The following CNTN5 variants were observed in gnomAD, a reference collection of about 807,000 sequenced individuals.
The protein encoded by CNTN5 is contactin 5, also known as contactin-5.
Under a neutral mutation model 129.1 loss-of-function variants are expected in CNTN5, and 77 were observed. That is an observed-to-expected ratio of 0.60 (90% CI 0.50 to 0.72). The LOEUF (loss-of-function observed/expected upper bound fraction) is 0.72. Ranked by LOEUF, CNTN5 falls within the 30% of genes least tolerant of loss-of-function variation. The pLI, the probability that CNTN5 is intolerant of heterozygous loss-of-function variation, is 0.00. For synonymous variants in CNTN5, 509 were observed against 465.6 expected (o/e 1.09, Z -1.20); for missense variants, 1,478 against 1,328.8 (o/e 1.11, Z -1.75).
intron 2 of CNTN5, among the ~76,000 whole-genome samples, chr11:99,400,400 T>A (rs1941741259): frequency 6.6e-6 from 1 of 152,054 alleles, no homozygotes; most frequent in Non-Finnish European, 1.5e-5. Flanking sequence ...ATGGTGAGAA[T>A]TTCATTCTTT....
intron 4 of CNTN5, among the ~76,000 whole-genome samples, chr11:99,840,691 C>T (rs1389032870): frequency 6.6e-6 from 1 of 152,074 alleles, no homozygotes; most frequent in Non-Finnish European, 1.5e-5. Context: ...TGTGTGATGA[C>T]ATCTGCCCAT....
At position 99,507,907 on chromosome 11, in the gene CNTN5, A is replaced by G. The variant is rs191001493; in HGVS notation, c.-70-48238A>G. On this transcript the variant is annotated intron_variant, in intron 2 of 24. Transcript: ENST00000524871. ...AACTATTACATGAGTGAGTGAGTTA[A>G]GTGCTTGAATGGCTTTATAAAACTT... Among the ~76,000 whole-genome samples, 518 of 152,332 alleles carry G rather than the reference A, an allele frequency of 3.4e-3. 4 individuals are homozygous for G. Among genetic ancestry groups the G allele is most frequent in the African/African-American group, 0.012 (492 of 41,576 alleles).
At chr11:100,103,212 G>T (rs564578720) in intron 13 of CNTN5, among the ~76,000 whole-genome samples, 1 of 152,156 alleles carries the variant, frequency 6.6e-6, no homozygotes, top group Non-Finnish European at 1.5e-5. Context: ...ATTAGCACGG[G>T]CACATTCTGA....
chr11:99,502,378 C>A (rs1946456744), intron 2 of CNTN5, among the ~76,000 whole-genome samples: 1 of 152,068 alleles, frequency 6.6e-6, no homozygotes, highest in African/African-American at 2.4e-5. Flanking sequence ...CCACAAGTGT[C>A]AAGGGAGGGA....
intron 3 of CNTN5, among the ~76,000 whole-genome samples, chr11:99,612,369 T>C (rs1481547018): frequency 6.6e-6 from 1 of 152,168 alleles, no homozygotes; most frequent in Non-Finnish European, 1.5e-5. Flanking sequence ...TAAGGATTAT[T>C]CTCTTAATCC....
chr11:99,026,121 T>G, intron 1 of CNTN5, among the ~76,000 whole-genome samples: 1 of 151,642 alleles, frequency 6.6e-6, no homozygotes, highest in East Asian at 1.9e-4. Context: ...TTTATTGTTT[T>G]CTAAAAATAC....
At chr11:99,511,569 C>G (rs2135412278) in intron 2 of CNTN5, among the ~76,000 whole-genome samples, 1 of 152,076 alleles carries the variant, frequency 6.6e-6, no homozygotes, top group South Asian at 2.1e-4. Context: ...CTGCTTGGTG[C>G]AGAGCTGAAT....
intron 13 of CNTN5, among the ~76,000 whole-genome samples, chr11:100,161,581 C>A (rs1215917198): frequency 6.6e-6 from 1 of 151,312 alleles, no homozygotes; most frequent in East Asian, 1.9e-4. Flanking sequence ...ACTAAACTGA[C>A]TTCACATAGA....
At chr11:100,163,974 C>G in intron 13 of CNTN5, among the ~76,000 whole-genome samples, 1 of 151,800 alleles carries the variant, frequency 6.6e-6, no homozygotes, top group East Asian at 1.9e-4. Context: ...AGTTGCATAA[C>G]TCACCCAAGG....
intron 1 of CNTN5, among the ~76,000 whole-genome samples, chr11:99,229,402 C>A (rs1452551282): frequency 1.3e-5 from 2 of 151,640 alleles, no homozygotes; most frequent in African/African-American, 4.8e-5. Flanking sequence ...CTGTAAAATG[C>A]TGAATAGCTT....
At position 99,667,508 on chromosome 11, in the gene CNTN5, C is replaced by G. The variant is rs139834887; in HGVS notation, c.55+111239C>G. 7.1e-4 allele frequency among the ~76,000 whole-genome samples: 108 copies of G among 152,126 alleles called. 1 individual carries two copies. Among genetic ancestry groups the G allele is most frequent in the African/African-American group, 2.6e-3 (107 of 41,508 alleles). The stretch of plus-strand genomic sequence containing the variant: ...TAAAATTTTGGCTCTGTTTATTGTA[C>G]CCCTGGTAAAGAAGCATGGTGTTTG... On this transcript the variant is annotated intron_variant, in intron 3 of 24. Coordinates refer to ENST00000524871, the MANE Select transcript of CNTN5 (RefSeq NM_014361.4).
At chr11:99,044,967 C>T (rs988490872) in intron 1 of CNTN5, among the ~76,000 whole-genome samples, 3 of 152,110 alleles carry the variant, frequency 2.0e-5, no homozygotes, top group Non-Finnish European at 4.4e-5. Context: ...GTACCTCAGT[C>T]TCCTCATGTA....
chr11:100,180,802 A>T (rs1948115006), intron 13 of CNTN5, among the ~76,000 whole-genome samples: 1 of 152,012 alleles, frequency 6.6e-6, no homozygotes, highest in African/African-American at 2.4e-5. Flanking sequence ...TAATCCAATT[A>T]GAAAATGAGC....
At chr11:100,032,961 T>C (rs776355472) in intron 9 of CNTN5, among the ~76,000 whole-genome samples, 2 of 152,196 alleles carry the variant, frequency 1.3e-5, no homozygotes, top group Non-Finnish European at 2.9e-5. Flanking sequence ...ATAAAATGTC[T>C]ATTAATTTGC....
At chr11:100,336,953 T>C (rs1269585677) in intron 21 of CNTN5, 1 of 704,416 alleles carries the variant, frequency 1.4e-6, no homozygotes, top group African/African-American at 1.7e-5. Context: ...GGGCACCTTC[T>C]TAGGCAGAAA....
intron 1 of CNTN5, among the ~76,000 whole-genome samples, chr11:99,222,173 G>A (rs1185460478): frequency 6.6e-6 from 1 of 151,832 alleles, no homozygotes; most frequent in East Asian, 1.9e-4. Context: ...TTATAAATGT[G>A]TAATGAATGT....
chr11:99,957,952 CTG>C (rs1950845779), intron 8 of CNTN5, among the ~76,000 whole-genome samples: 2 of 151,406 alleles, frequency 1.3e-5, no homozygotes, highest in Non-Finnish European at 2.9e-5. Flanking sequence ...ACTTCATAAA[CTG>C]TGAAGTATGT....
At chr11:100,346,256 G>A (rs967147936) in intron 23 of CNTN5, among the ~76,000 whole-genome samples, 4 of 151,898 alleles carry the variant, frequency 2.6e-5, no homozygotes, top group Non-Finnish European at 4.4e-5. Context: ...ATTATAGCAC[G>A]TAAGACTCAC....
At chr11:99,651,227 C>T (rs1205060239) in intron 3 of CNTN5, among the ~76,000 whole-genome samples, 3 of 91,100 alleles carry the variant, frequency 3.3e-5, no homozygotes, top group African/African-American at 9.4e-5. Flanking sequence ...AACAGAAATC[C>T]CACAAACAAT....
Sources: gnomAD v4.1 joint callset for allele counts (sites outside exome capture counted in the v4.1 genomes callset) on GRCh38, gnomAD v4.1.1 for gene constraint, MANE v1.5 for transcripts, NCBI Gene and HGNC (gene_info 2026-07-23, HGNC 2026-07-21) for gene names.